The following NR3C2 variants were observed in gnomAD, a reference collection of about 807,000 sequenced individuals.
NR3C2 encodes the protein mineralocorticoid receptor.
In NR3C2, 15 loss-of-function variants were observed where a neutral mutation model predicts 86.4. The observed-to-expected ratio is 0.17, with a 90% CI of 0.12 to 0.27. The LOEUF is 0.27. NR3C2 is among the 10% of genes least tolerant of loss of function. The probability of loss-of-function intolerance (pLI) is 1.00; values close to 1 mark genes in which losing one functional copy is unlikely to be tolerated. For missense variants in NR3C2, 960 were observed against 1,195.6 expected (o/e 0.80, Z 2.91); for synonymous variants, 458 against 450.5 (o/e 1.02, Z -0.21).
intron 3 of NR3C2, among the ~76,000 whole-genome samples, chr4:148,258,592 A>G (rs920166648): frequency 3.3e-5 from 5 of 152,212 alleles, no homozygotes; most frequent in African/African-American, 1.2e-4. Context: ...GCCAAGTTCA[A>G]TCTGAGGAGA....
At chr4:148,128,709 G>T (rs62332222) in intron 6 of NR3C2, among the ~76,000 whole-genome samples, 20,836 of 152,014 alleles carry the variant, frequency 0.14, 1,661 homozygotes, top group African/African-American at 0.21. Flanking sequence ...TGAGTTTTAG[G>T]GGCTAGTTTT....
chr4:148,372,740 GAA>G (rs1746480852), intron 2 of NR3C2, among the ~76,000 whole-genome samples: 1 of 152,160 alleles, frequency 6.6e-6, no homozygotes, highest in Non-Finnish European at 1.5e-5. Context: ...CAATTCTAAA[GAA>G]AAGTTATTAA....
chr4:148,428,245 T>C (rs1749643707), intron 2 of NR3C2, among the ~76,000 whole-genome samples: 1 of 152,178 alleles, frequency 6.6e-6, no homozygotes, highest in Admixed American at 6.5e-5. Flanking sequence ...GAGACAGTGG[T>C]ACAAAAGCTG....
intron 3 of NR3C2, among the ~76,000 whole-genome samples, chr4:148,220,938 C>T (rs1160403650): frequency 6.6e-6 from 1 of 152,214 alleles, no homozygotes; most frequent in Non-Finnish European, 1.5e-5. Context: ...AATTCAGACT[C>T]AACCAACATT....
At chr4:148,279,106 T>C (rs1303886447) in intron 2 of NR3C2, among the ~76,000 whole-genome samples, 1 of 152,170 alleles carries the variant, frequency 6.6e-6, no homozygotes, top group Non-Finnish European at 1.5e-5. Context: ...GAGGTTGCAG[T>C]GAGCCGAGAT....
intron 2 of NR3C2, among the ~76,000 whole-genome samples, chr4:148,404,736 G>C (rs1748328887): frequency 6.6e-6 from 1 of 152,050 alleles, no homozygotes; most frequent in Non-Finnish European, 1.5e-5. Context: ...TAAAAAAGGA[G>C]GAAATGTACT....
At chr4:148,363,965 T>G (rs1745983431) in intron 2 of NR3C2, among the ~76,000 whole-genome samples, 1 of 152,204 alleles carries the variant, frequency 6.6e-6, no homozygotes, top group Non-Finnish European at 1.5e-5. Context: ...ATACCTAATT[T>G]TACTCAGTAA....
At chr4:148,363,286 C>T (rs964953029) in intron 2 of NR3C2, among the ~76,000 whole-genome samples, 1 of 152,144 alleles carries the variant, frequency 6.6e-6, no homozygotes, top group African/African-American at 2.4e-5. Flanking sequence ...GTCTGAAAAG[C>T]AGAGAGATTT....
intron 2 of NR3C2, among the ~76,000 whole-genome samples, chr4:148,276,414 T>A (rs1740964236): frequency 6.6e-6 from 1 of 152,160 alleles, no homozygotes; most frequent in Non-Finnish European, 1.5e-5. Context: ...CAGAATACAC[T>A]AATGAAAGAC....
intron 6 of NR3C2, among the ~76,000 whole-genome samples, chr4:148,146,055 GAAGT>G (rs1440357586): frequency 6.6e-6 from 1 of 152,056 alleles, no homozygotes; most frequent in Admixed American, 6.6e-5. Flanking sequence ...GAGCCAAGGA[GAAGT>G]AAGAAATCTT....
chr4:148,365,857 A>C (rs1253547372), intron 2 of NR3C2, among the ~76,000 whole-genome samples: 1 of 152,152 alleles, frequency 6.6e-6, no homozygotes, highest in Non-Finnish European at 1.5e-5. Context: ...CAAGCTCACA[A>C]ACTCCCGGAA....
chr4:148,085,561 C>T (rs1341830258), intron 8 of NR3C2, among the ~76,000 whole-genome samples: 1 of 151,976 alleles, frequency 6.6e-6, no homozygotes, highest in Non-Finnish European at 1.5e-5. Context: ...AAGTTGATAC[C>T]CTAACATCAC....
chr4:148,086,614 C>T (rs768013511), intron 8 of NR3C2, among the ~76,000 whole-genome samples: 20 of 152,088 alleles, frequency 1.3e-4, no homozygotes, highest in Non-Finnish European at 2.5e-4. Context: ...TGGTGGCATA[C>T]ACCTGCAATC....
At chr4:148,129,840 C>T (rs574558246) in intron 6 of NR3C2, among the ~76,000 whole-genome samples, 2 of 152,236 alleles carry the variant, frequency 1.3e-5, no homozygotes, top group African/African-American at 4.8e-5. Context: ...AGGTGATCTG[C>T]CCCCCGCTTC....
intron 4 of NR3C2, among the ~76,000 whole-genome samples, chr4:148,186,012 C>T (rs913688458): frequency 2.0e-5 from 3 of 152,066 alleles, no homozygotes; most frequent in Non-Finnish European, 4.4e-5. Context: ...AAGGCATGTG[C>T]CTTTTAACAT....
chr4:148,204,531 C>G (rs1409418602), intron 3 of NR3C2, among the ~76,000 whole-genome samples: 1 of 152,112 alleles, frequency 6.6e-6, no homozygotes, highest in Admixed American at 6.6e-5. Flanking sequence ...TCAATTAAGA[C>G]AAATTCGGAG....
At chr4:148,150,572 A>G (rs1734059272) in intron 6 of NR3C2, among the ~76,000 whole-genome samples, 3 of 152,186 alleles carry the variant, frequency 2.0e-5, no homozygotes, top group Admixed American at 2.0e-4. Context: ...CAATAAATAG[A>G]CTGTGAAAAG....
At chr4:148,183,082 T>G (rs1446088890) in intron 4 of NR3C2, among the ~76,000 whole-genome samples, 1 of 152,228 alleles carries the variant, frequency 6.6e-6, no homozygotes, top group Non-Finnish European at 1.5e-5. Context: ...TTTGGTTTTC[T>G]GTCCTTATGA....
intron 8 of NR3C2, among the ~76,000 whole-genome samples, chr4:148,106,203 T>C (rs1221139530): frequency 6.6e-6 from 1 of 152,158 alleles, no homozygotes; most frequent in African/African-American, 2.4e-5. Flanking sequence ...ATCACAAGCA[T>C]TGCCATACAC....
Sources: gnomAD v4.1 joint callset for allele counts (sites outside exome capture counted in the v4.1 genomes callset) on GRCh38, gnomAD v4.1.1 for gene constraint, MANE v1.5 for transcripts, NCBI Gene and HGNC (gene_info 2026-07-23, HGNC 2026-07-21) for gene names.